The following TICRR variants were observed in gnomAD, a reference collection of about 807,000 sequenced individuals.
TICRR encodes the protein TOPBP1 interacting checkpoint and replication regulator, also known as treslin.
Under a neutral mutation model 178.1 loss-of-function variants are expected in TICRR, and 132 were observed. That is an observed-to-expected ratio of 0.74 (90% CI 0.64 to 0.86). The LOEUF is 0.86. Among genes scored for constraint, TICRR ranks in the 40% least tolerant of loss-of-function variants. The pLI, the probability that TICRR is intolerant of heterozygous loss-of-function variation, is 0.00. For synonymous variants in TICRR, 991 were observed against 900.7 expected (o/e 1.10, Z -1.79); for missense variants, 2,587 against 2,334.3 (o/e 1.11, Z -2.23).
At chr15:89,600,545 A>G (rs1300035663) in intron 8 of TICRR, 40 bp from the exon 9 acceptor site, 7 of 913,236 alleles carry the variant, frequency 7.7e-6, no homozygotes, top group Non-Finnish European at 1.2e-5. Context: ...AATAATGACA[A>G]GTAACACTAT....
chr15:89,619,074 A>C (rs532401455), intron 17 of TICRR, among the ~76,000 whole-genome samples: 1 of 152,318 alleles, frequency 6.6e-6, no homozygotes, highest in African/African-American at 2.4e-5. Flanking sequence ...TGAAGCCAAA[A>C]ATTTTAAAGC....
intron 5 of TICRR, among the ~76,000 whole-genome samples, chr15:89,593,440 C>T (rs759847424): frequency 6.6e-6 from 1 of 152,134 alleles, no homozygotes; most frequent in Non-Finnish European, 1.5e-5. Flanking sequence ...CATGGTGGCT[C>T]ACACCCGTAA....
chr15:89,613,575 T>C (rs1048109519), intron 15 of TICRR, among the ~76,000 whole-genome samples: 1 of 152,198 alleles, frequency 6.6e-6, no homozygotes. Context: ...GTCACAAGTA[T>C]CTGAAGCTCT....
At chr15:89,615,466 T>A (rs1251752341) in intron 15 of TICRR, among the ~76,000 whole-genome samples, 5 of 152,200 alleles carry the variant, frequency 3.3e-5, no homozygotes, top group African/African-American at 1.2e-4. Context: ...AGTTAAAGCT[T>A]CCTGAGATTC....
chr15:89,615,591 G>A (rs1963322611), intron 15 of TICRR, among the ~76,000 whole-genome samples: 1 of 152,178 alleles, frequency 6.6e-6, no homozygotes, highest in Admixed American at 6.5e-5. Context: ...CCTTTATGGA[G>A]GAGAGTGTTC....
chr15:89,582,822 T>G lies in TICRR; in HGVS notation c.791T>G (p.Ile264Arg). Residue 264 changes from isoleucine (I) to arginine (R), a missense_variant, in exon 2 of 22, where the codon ATA becomes AGA. Physicochemically the swap from Ile to Arg is moderately conservative, Grantham distance 97. Transcript: ENST00000268138. ...GGGGAAATGCTGCTCAGGAGTGGAA[T>G]AAAGCTGTCAAGTGAACCTCATCTT... ...QAGEMLLRSG[I>R]KLSSEPHLSP... 1 of 1,614,204 alleles carries G rather than the reference T, an allele frequency of 6.2e-7. No homozygotes were observed.
At position 89,624,820 on chromosome 15, in the gene TICRR, C is replaced by G. The variant is rs1963488288; in HGVS notation, c.4510C>G (p.Pro1504Ala). The change falls in exon 20 of 22, where the codon CCT (proline) becomes GCT (alanine). Residue 1504 changes from proline (P) to alanine (A), a missense_variant. By Grantham distance (27) the Pro-to-Ala change is conservative (BLOSUM62 -1). Transcript: ENST00000268138. ...TGCTGAGAAGTCTTCTCTGTCTCAC[C>G]CTGGGATTCCCCCATCTCCTCCTTC... Reference protein sequence around the residue: ...ADAEKSSLSHPGIPPSPPSCG... With the variant: ...ADAEKSSLSHAGIPPSPPSCG... 2 of 1,614,016 alleles carry G rather than the reference C, an allele frequency of 1.2e-6. No homozygotes were observed. The highest frequency in any genetic ancestry group is 1.7e-6 in the Non-Finnish European group (2 of 1,180,030).
rs955091033 is a variant in TICRR, at chr15:89,575,613, G to A, written c.27G>A (p.Leu9=). 6 of 1,527,978 alleles carry A rather than the reference G, an allele frequency of 3.9e-6. No homozygotes were observed. Among genetic ancestry groups the A allele is most frequent in the Non-Finnish European group, 3.5e-6 (4 of 1,142,534 alleles). The allele number at this position is 1,527,978 out of a possible 1,614,324, so 94.7% of individuals were successfully genotyped here. A position where few individuals can be genotyped will look rare whatever the true frequency, so the allele number is the denominator to read the frequency against. MACCHKVM[L]LLDTAGGAAR... is the part of the protein sequence containing the mutation. ...TGGCATGCTGTCACAAAGTAATGCT[G>A]CTGCTGGACACCGCGGGCGGCGCCG... Residue 9 remains leucine (L), a synonymous_variant, in exon 1 of 22, where the codon CTG becomes CTA. Coordinates refer to ENST00000268138, the MANE Select transcript of TICRR (RefSeq NM_152259.4).
intron 4 of TICRR, chr15:89,591,665 G>C (rs1240863422): frequency 6.5e-6 from 1 of 153,128 alleles, no homozygotes; most frequent in Non-Finnish European, 1.5e-5. Context: ...GGAGGCGGAG[G>C]TTGCGGCTCA....
chr15:89,580,616 C>G (rs563349531), intron 1 of TICRR, among the ~76,000 whole-genome samples: 1 of 152,272 alleles, frequency 6.6e-6, no homozygotes, highest in South Asian at 2.1e-4. Flanking sequence ...ATAATGTGCT[C>G]CAATACATTG....
chr15:89,619,923 G>A (rs1963396713), intron 18 of TICRR, 81 bp downstream of exon 18: 1 of 1,504,722 alleles, frequency 6.6e-7, no homozygotes, highest in Non-Finnish European at 8.9e-7. Context: ...CAAGAAATTT[G>A]ACATTTTCTT....
chr15:89,624,552 A>T lies in TICRR; in HGVS notation c.4242A>T (p.Pro1414=). The T allele has an allele frequency of 6.2e-7, 1 of 1,613,824 alleles. No individual in the cohort carries two copies. The highest frequency in any genetic ancestry group is 8.5e-7 in the Non-Finnish European group (1 of 1,179,878). The part of the protein sequence containing the change: ...ATPGVGTADS[P]AAPTDSRDDQ... ...CTGGGGTTGGCACAGCTGACAGCCC[A>T]GCTGCCCCCACAGACTCTAGAGATG... The change falls in exon 20 of 22, where the codon CCA becomes CCT. Residue 1414 remains proline (P), a synonymous_variant. Transcript: ENST00000268138.
chr15:89,595,363 A>ACTTT, intron 6 of TICRR, 30 bp from the exon 7 acceptor site: 1 of 1,546,902 alleles, frequency 6.5e-7, no homozygotes, highest in South Asian at 1.1e-5. Context: ...AAGGCAATTT[A>ACTTT]CTTTCCCTCC....
chr15:89,625,511 T>C lies in TICRR; in HGVS notation c.5201T>C (p.Ile1734Thr). 6.2e-7 allele frequency: 1 copy of C among 1,613,760 alleles called. No homozygotes were observed. The highest frequency in any genetic ancestry group is 1.1e-5 in the South Asian group (1 of 91,068). ...GAACTCAGCATCCACAGGACGCCCA[T>C]CTTGGAGGATTTTGAGCTCGAGGGA... ...GLELSIHRTP[I>T]LEDFELEGVC... Residue 1734 changes from isoleucine (I) to threonine (T), a missense_variant, in exon 20 of 22, where the codon ATC (isoleucine) becomes ACC (threonine). Physicochemically the swap from Ile to Thr is moderately conservative, Grantham distance 89. Transcript: ENST00000268138.
intron 1 of TICRR, among the ~76,000 whole-genome samples, chr15:89,581,192 C>T (rs1250080393): frequency 6.6e-6 from 1 of 151,494 alleles, no homozygotes; most frequent in East Asian, 1.9e-4. Flanking sequence ...CTTTCGAGAC[C>T]CTTCTAGTTC....
At position 89,608,898 on chromosome 15, in the gene TICRR, T is replaced by G; in HGVS notation, c.2818T>G (p.Ser940Ala). The change falls in exon 15 of 22, where the codon TCA becomes GCA. Residue 940 changes from serine (S) to alanine (A), a missense_variant. Coordinates refer to ENST00000268138, the MANE Select transcript of TICRR (RefSeq NM_152259.4). ...KRGLPRSHSV[S>A]AVDGLEDKLD... ...GGGGTTGCCTAGAAGCCATTCTGTG[T>G]CAGCTGTGGATGGTCTAGAGGATAA... is the stretch of plus-strand genomic sequence containing the variant. 1.2e-6 allele frequency: 2 copies of G among 1,611,532 alleles called. No homozygotes were observed. Among genetic ancestry groups the G allele is most frequent in the Non-Finnish European group, 1.7e-6 (2 of 1,179,184 alleles).
At chr15:89,594,751 T>C (rs1482923478) in intron 6 of TICRR, among the ~76,000 whole-genome samples, 197 bp downstream of exon 6, 1 of 152,256 alleles carries the variant, frequency 6.6e-6, no homozygotes, top group Non-Finnish European at 1.5e-5. Flanking sequence ...GTCTAATGAA[T>C]AAGCCATCTT....
chr15:89,599,431 A>G lies in TICRR; in HGVS notation c.2008A>G (p.Thr670Ala), dbSNP rs746616423. The G allele has an allele frequency of 7.4e-6, 12 of 1,613,672 alleles. No homozygotes were observed. In the Admixed American group the frequency reaches 1.0e-4, roughly 13 times the overall value. ...LYACARNMISTVKMFLKSKGT... is the reference protein window; with the variant it reads ...LYACARNMISAVKMFLKSKGT... Reference sequence around the variant, plus strand: ...TGCATGTGCTCGAAACATGATCTCAACCGTTAAAATGTTCCTAAAATCAAA... The same window carrying G: ...TGCATGTGCTCGAAACATGATCTCAGCCGTTAAAATGTTCCTAAAATCAAA... The change falls in exon 8 of 22, where the codon ACC becomes GCC. Residue 670 changes from threonine (T) to alanine (A), a missense_variant. Transcript: ENST00000268138.
At chr15:89,589,436 A>G (rs530796446) in intron 4 of TICRR, among the ~76,000 whole-genome samples, 1 of 152,110 alleles carries the variant, frequency 6.6e-6, no homozygotes, top group African/African-American at 2.4e-5. Context: ...CCAGGCGGCC[A>G]GTGGAGGGTG....
Sources: allele counts gnomAD v4.1 joint callset (sites outside exome capture counted in the v4.1 genomes callset), GRCh38; gene constraint gnomAD v4.1.1; transcripts MANE v1.5; gene names NCBI Gene and HGNC (gene_info 2026-07-23, HGNC 2026-07-21).